Variants in DCAF1 observed in about 807,000 individuals in gnomAD.
DCAF1 encodes DDB1- and CUL4-associated factor 1.
DCAF1 carries 15 observed loss-of-function variants against 128.0 expected under a neutral mutation model. That is an observed-to-expected ratio of 0.12 (90% CI 0.08 to 0.18). DCAF1 has a LOEUF of 0.18. Among genes scored for constraint, DCAF1 ranks in the 10% least tolerant of loss-of-function variants. The probability of loss-of-function intolerance (pLI) is 1.00; values close to 1 mark genes in which losing one functional copy is unlikely to be tolerated. For synonymous variants in DCAF1, 610 were observed against 603.0 expected, an observed-to-expected ratio of 1.01 and a Z score of -0.17; for missense variants, 988 against 1,649.5, an observed-to-expected ratio of 0.60 and a Z score of 6.95.
intron 3 of DCAF1, among the ~76,000 whole-genome samples, chr3:51,482,150 T>C (rs1388217606): frequency 6.6e-6 from 1 of 151,296 alleles, no homozygotes; most frequent in Non-Finnish European, 1.5e-5. Context: ...CAGGTATCTG[T>C]AGAAGAGCCA....
At position 51,430,061 on chromosome 3, in the gene DCAF1, T is replaced by C. The variant is rs370240832; in HGVS notation, c.1439A>G (p.Tyr480Cys). 4.0e-5 allele frequency: 31 copies of C among 780,512 alleles called. No individual in the cohort carries two copies. Among genetic ancestry groups the C allele is most frequent in the Admixed American group, 1.7e-5 (1 of 58,978 alleles). 48.3% of individuals were successfully genotyped at this position (780,512 alleles called of 1,614,324 possible). Residue 480 changes from tyrosine (Y) to cysteine (C), a missense_variant, in exon 11 of 25, where the codon TAT (tyrosine) becomes TGT (cysteine). By Grantham distance (194) the Tyr-to-Cys change is radical. Coordinates refer to ENST00000684031, the MANE Select transcript of DCAF1 (RefSeq NM_001387579.1). The stretch of plus-strand genomic sequence containing the variant: ...GTTCACCAGACGACGAAGACCATCA[T>C]AGCGGTCAAAGAGCTCCAAGACGGC... ...FRAVLELFDR[Y>C]DGLRRLVNLI...
rs782374728 is a variant in DCAF1, at chr3:51,466,893, G to A, written c.188-17C>T. 101 of 1,612,570 alleles carry A rather than the reference G, an allele frequency of 6.3e-5. No individual in the cohort carries two copies. The highest frequency in any genetic ancestry group is 8.1e-5 in the Non-Finnish European group (96 of 1,179,028). On this transcript the variant is annotated splice_polypyrimidine_tract_variant and intron_variant, in intron 4 of 24. Coordinates refer to ENST00000684031, the MANE Select transcript of DCAF1 (RefSeq NM_001387579.1). Reference sequence around the variant, plus strand: ...CAGCTCGACCTACCAAGAGAAGAGGGGAGGAACAAACAAAGGAATGAGTAA... The same window carrying A: ...CAGCTCGACCTACCAAGAGAAGAGGAGAGGAACAAACAAAGGAATGAGTAA...
rs1553641391 is a variant in DCAF1 at position 51,451,066 on chromosome 3, A to ACTCTT, written c.376-7164_376-7163insAAGAG. ...TAGCAATGAACAATATAAAAAGGAA[A>ACTCTT]TTCTTTTTTTTTTTTTTTTTTTTTT... On this transcript the variant is annotated intron_variant, in intron 6 of 24. Transcript: ENST00000684031. Among the ~76,000 whole-genome samples the ACTCTT allele has an allele frequency of 2.8e-3, 91 of 32,826 alleles. 1 individual carries two copies. The highest frequency in any genetic ancestry group is 5.1e-3 in the Non-Finnish European group (75 of 14,742). The allele number at this position is 32,826 out of a possible 152,430, so 21.5% of individuals were successfully genotyped here. A position where few individuals can be genotyped will look rare whatever the true frequency, so the allele number is the denominator to read the frequency against.
At chr3:51,474,480 T>C (rs1486001218) in intron 3 of DCAF1, among the ~76,000 whole-genome samples, 1 of 152,166 alleles carries the variant, frequency 6.6e-6, no homozygotes, top group Non-Finnish European at 1.5e-5. Context: ...ACTGGTCCAC[T>C]CTAATCAAGC....
At chr3:51,444,866 G>A (rs980411057) in intron 6 of DCAF1, among the ~76,000 whole-genome samples, 29 of 150,790 alleles carry the variant, frequency 1.9e-4, no homozygotes, top group Middle Eastern at 3.2e-3. Context: ...TAGTAGAGAC[G>A]GGGTTTCACC....
chr3:51,437,466 G>T (rs1185546991), intron 9 of DCAF1: 1 of 471,458 alleles, frequency 2.1e-6, no homozygotes, highest in South Asian at 1.6e-5. Flanking sequence ...CTATCATACA[G>T]TTCTCAACAG....
At chr3:51,495,615 G>C (rs934284158) in intron 2 of DCAF1, among the ~76,000 whole-genome samples, 3 of 151,084 alleles carry the variant, frequency 2.0e-5, no homozygotes, top group Admixed American at 1.3e-4. Context: ...GTCAGCAACT[G>C]AGTGTGGTGG....
chr3:51,409,748 T>C (rs148610743), intron 23 of DCAF1, among the ~76,000 whole-genome samples: 17 of 152,204 alleles, frequency 1.1e-4, no homozygotes, highest in East Asian at 1.9e-4. Flanking sequence ...TGTGAAAAAG[T>C]AGGCATTAAG....
upstream of DCAF1, among the ~76,000 whole-genome samples, chr3:51,504,012 C>A (rs1483247897): frequency 6.6e-6 from 1 of 151,692 alleles, no homozygotes; most frequent in Non-Finnish European, 1.5e-5. Context: ...GGCCTTGGCT[C>A]CAAGCTCTCA....
At chr3:51,484,247 T>C (rs1241583071) in intron 2 of DCAF1, among the ~76,000 whole-genome samples, 1 of 151,826 alleles carries the variant, frequency 6.6e-6, no homozygotes, top group Admixed American at 6.6e-5. Flanking sequence ...CTGGGGCAGG[T>C]GGATCACCTG....
In DCAF1 at chr3:51,421,849, G is replaced by A. The variant is rs149603238; in HGVS notation, c.1972+458C>T. Among the ~76,000 whole-genome samples, 18 of 135,246 alleles carry A rather than the reference G, an allele frequency of 1.3e-4. No individual in the cohort carries two copies. In the East Asian group the frequency reaches 3.9e-3, roughly 29 times the overall value. The allele number at this position is 135,246 out of a possible 152,430, so 88.7% of individuals were successfully genotyped here. On this transcript the variant is annotated intron_variant, in intron 14 of 24. Transcript: ENST00000684031. ...CATTTTGAGCTACCTGCCAATTACT[G>A]ACTCAGGTTACAAAACTGCTTACTT... is the stretch of plus-strand genomic sequence containing the variant.
chr3:51,480,842 C>T (rs1706097468), intron 3 of DCAF1, among the ~76,000 whole-genome samples: 1 of 152,016 alleles, frequency 6.6e-6, no homozygotes, highest in South Asian at 2.1e-4. Flanking sequence ...ATACTAGAAC[C>T]GTTTTTTTTA....
chr3:51,479,041 A>AC (rs1705834833), intron 3 of DCAF1, among the ~76,000 whole-genome samples: 1 of 152,174 alleles, frequency 6.6e-6, no homozygotes, highest in South Asian at 2.1e-4. Context: ...AAGGATCCCC[A>AC]CATTCCAGTG....
chr3:51,475,468 T>C (rs1275796099), intron 3 of DCAF1, among the ~76,000 whole-genome samples: 24 of 152,044 alleles, frequency 1.6e-4, no homozygotes, highest in Admixed American at 1.6e-3. Context: ...TAGCCAGGCA[T>C]GGTGGCAACA....
intron 19 of DCAF1, 26 bp from the exon 20 acceptor site, chr3:51,414,069 CTAT>C: frequency 6.4e-7 from 1 of 1,558,770 alleles, no homozygotes. Context: ...TCAAGGAAAA[CTAT>C]TTTACACAAA....
In DCAF1 at chr3:51,420,167, G is replaced by A. The variant is rs982102779; in HGVS notation, c.2803C>T (p.Pro935Ser). 6.2e-7 allele frequency: 1 copy of A among 1,614,028 alleles called. No homozygotes were observed. The highest frequency in any genetic ancestry group is 8.5e-7 in the Non-Finnish European group (1 of 1,179,904). Residue 935 changes from proline (P) to serine (S), a missense_variant, in exon 15 of 25, where the codon CCC (proline) becomes TCC (serine). This residue lies in a region of DCAF1 where 88 missense variants were observed against 107.7 expected (regional missense o/e 0.82). Coordinates refer to ENST00000684031, the MANE Select transcript of DCAF1 (RefSeq NM_001387579.1). The surrounding 1 kb of genome is among the most constrained non-coding windows in gnomAD (Gnocchi z 6.5). ...SAPTAHPQPR[P>S]PQGPLALPGP... The stretch of plus-strand genomic sequence containing the variant: ...GGCAGAGCTAGCGGACCCTGGGGGG[G>A]CCGTGGCTGAGGATGAGCAGTAGGG...
chr3:51,448,557 T>G (rs1359172318), intron 6 of DCAF1, among the ~76,000 whole-genome samples: 2 of 152,224 alleles, frequency 1.3e-5, no homozygotes, highest in Admixed American at 6.5e-5. Flanking sequence ...AACTATAATT[T>G]TTGTTTTTTC....
intron 6 of DCAF1, among the ~76,000 whole-genome samples, chr3:51,461,498 G>T (rs1243223505): frequency 6.6e-6 from 1 of 152,026 alleles, no homozygotes; most frequent in Non-Finnish European, 1.5e-5. Context: ...GTGGAAGTCA[G>T]TGTGGCGATT....
intron 20 of DCAF1, 78 bp downstream of exon 20, chr3:51,413,872 G>A: frequency 7.5e-7 from 1 of 1,337,792 alleles, no homozygotes; most frequent in Non-Finnish European, 9.7e-7. Flanking sequence ...AGTGAGAGAT[G>A]GTTCCAAAAA....
Sources: allele counts gnomAD v4.1 joint callset (sites outside exome capture counted in the v4.1 genomes callset), GRCh38; gene constraint gnomAD v4.1.1; regional missense constraint gnomAD v4.1.1; non-coding constraint Gnocchi (gnomAD v3.1); transcripts MANE v1.5; gene names NCBI Gene and HGNC (gene_info 2026-07-23, HGNC 2026-07-21).